Variants in KIAA0232 observed in about 807,000 individuals in gnomAD.
KIAA0232 encodes the protein KIAA0232, also known as uncharacterized protein KIAA0232.
In KIAA0232, 27 loss-of-function variants were observed where a neutral mutation model predicts 122.0. The ratio of observed to expected loss-of-function variants is 0.22; its 90% CI spans 0.16 to 0.31. The LOEUF (loss-of-function observed/expected upper bound fraction) is 0.31. Ranked by LOEUF, KIAA0232 falls within the 10% of genes least tolerant of loss-of-function variation. KIAA0232 has a pLI of 1.00. For synonymous variants in KIAA0232, 613 were observed against 587.6 expected (o/e 1.04, Z -0.63); for missense variants, 1,551 against 1,634.2 (o/e 0.95, Z 0.88).
At chr4:6,809,574 G>A (rs2108964661) in intron 2 of KIAA0232, among the ~76,000 whole-genome samples, 1 of 152,258 alleles carries the variant, frequency 6.6e-6, no homozygotes, top group African/African-American at 2.4e-5. Context: ...GGAAGTCCTA[G>A]TAAGAGAAAT....
At position 6,790,957 on chromosome 4, in the gene KIAA0232, C is replaced by T. The variant is rs1381430888; in HGVS notation, c.-354+8116C>T. Reference sequence around the variant, plus strand: ...TTTTTTTGAGGCAGTCTTGCTCTGTCACCCAGGCTGGAGTCCAGTGGTACA... The same window carrying T: ...TTTTTTTGAGGCAGTCTTGCTCTGTTACCCAGGCTGGAGTCCAGTGGTACA... On this transcript the variant is annotated intron_variant, in intron 1 of 9. Transcript: ENST00000307659. Among the ~76,000 whole-genome samples the T allele has an allele frequency of 5.7e-5, 7 of 123,224 alleles. No individual in the cohort carries two copies. The Admixed American group carries it at 6.2e-4, about 11-fold the overall frequency. The allele number at this position is 123,224 out of a possible 152,430, so 80.8% of individuals were successfully genotyped here.
chr4:6,845,417 A>T (rs1472153012), intron 4 of KIAA0232, among the ~76,000 whole-genome samples: 4 of 152,062 alleles, frequency 2.6e-5, no homozygotes, highest in Admixed American at 2.6e-4. Flanking sequence ...GCTGGTTTTG[A>T]ACTCCTGGGC....
rs746615081 is a variant in KIAA0232, at chr4:6,862,814, G to A, written c.2432G>A (p.Cys811Tyr). Residue 811 changes from cysteine to tyrosine, a missense_variant, in exon 7 of 10, where the codon TGT becomes TAT. This residue lies in a region of KIAA0232 where 1,108 missense variants were observed against 1,154.8 expected (regional missense o/e 0.96). Coordinates refer to ENST00000307659, the MANE Select transcript of KIAA0232 (RefSeq NM_014743.3). Reference sequence around the variant, plus strand: ...AAAAATTTTGAAACTACACAAGTATGTAATGAAAGTCCACATGGAGATGGC... The same window carrying A: ...AAAAATTTTGAAACTACACAAGTATATAATGAAAGTCCACATGGAGATGGC... ...ENKNFETTQV[C>Y]NESPHGDGYS... 9 of 1,614,162 alleles carry A rather than the reference G, an allele frequency of 5.6e-6. No individual in the cohort carries two copies. Among genetic ancestry groups the A allele is most frequent in the South Asian group, 1.1e-5 (1 of 91,084 alleles).
At chr4:6,831,013 GCTTT>G (rs924622798) in intron 3 of KIAA0232, among the ~76,000 whole-genome samples, 3 of 151,882 alleles carry the variant, frequency 2.0e-5, no homozygotes, top group African/African-American at 7.2e-5. Flanking sequence ...ACAAAGTAGT[GCTTT>G]CTTTCTCTTT....
Position 6,880,584 on chromosome 4 carries a change from A to G in KIAA0232, c.4009-203A>G, listed in dbSNP as rs145836644. On this transcript the variant is annotated intron_variant, in intron 9 of 9. Coordinates refer to ENST00000307659, the MANE Select transcript of KIAA0232 (RefSeq NM_014743.3). ...GCTAACATTTTGTCCAAGTGACTGA[A>G]CATGTGGAATTAGGATTTTGGATCC... is the stretch of plus-strand genomic sequence containing the variant. Among the ~76,000 whole-genome samples, 142 of 152,366 alleles carry G rather than the reference A, an allele frequency of 9.3e-4. 1 individual carries two copies. The highest frequency in any genetic ancestry group is 3.4e-3 in the African/African-American group (140 of 41,592).
At chr4:6,848,164 T>C (rs1410610612) in intron 4 of KIAA0232, among the ~76,000 whole-genome samples, 1 of 152,234 alleles carries the variant, frequency 6.6e-6, no homozygotes, top group African/African-American at 2.4e-5. Flanking sequence ...ATTCACTTGC[T>C]TATATTCTCA....
intron 3 of KIAA0232, among the ~76,000 whole-genome samples, chr4:6,831,306 G>T (rs548824605): frequency 6.6e-6 from 1 of 152,136 alleles, no homozygotes; most frequent in African/African-American, 2.4e-5. Flanking sequence ...CGCCCGCCTC[G>T]GCCTCCCAAA....
intron 1 of KIAA0232, among the ~76,000 whole-genome samples, chr4:6,802,900 G>A (rs972078705): frequency 1.3e-5 from 2 of 149,988 alleles, no homozygotes; most frequent in African/African-American, 2.4e-5. Flanking sequence ...GCTCATGCTT[G>A]TAATCCCAAC....
At chr4:6,839,713 A>G (rs910251741) in intron 3 of KIAA0232, among the ~76,000 whole-genome samples, 5 of 152,174 alleles carry the variant, frequency 3.3e-5, no homozygotes, top group Non-Finnish European at 5.9e-5. Flanking sequence ...CAGACCCTGA[A>G]GAGACTGATG....
chr4:6,825,891 C>T (rs556983063), intron 3 of KIAA0232, among the ~76,000 whole-genome samples: 94 of 152,288 alleles, frequency 6.2e-4, no homozygotes, highest in African/African-American at 2.1e-3. Context: ...CTTTGCCCCT[C>T]CAGACCACAC....
intron 2 of KIAA0232, among the ~76,000 whole-genome samples, chr4:6,808,009 A>G (rs1717715850): frequency 6.6e-6 from 1 of 152,218 alleles, no homozygotes; most frequent in African/African-American, 2.4e-5. Context: ...CAGAGGTTTC[A>G]GTGAGCTGAG....
intron 6 of KIAA0232, 141 bp downstream of exon 6, chr4:6,858,647 T>C (rs1720689605): frequency 1.7e-6 from 1 of 576,092 alleles, no homozygotes; most frequent in South Asian, 2.4e-5. Flanking sequence ...AGCGCTTATA[T>C]GCTTGACACT....
chr4:6,872,964 C>G (rs1401653536), intron 8 of KIAA0232, among the ~76,000 whole-genome samples: 2 of 152,248 alleles, frequency 1.3e-5, no homozygotes, highest in African/African-American at 4.8e-5. Flanking sequence ...CTGCCTTCCT[C>G]CTTCCCAGAG....
intron 7 of KIAA0232, 107 bp downstream of exon 7, chr4:6,864,290 C>T: frequency 8.4e-7 from 1 of 1,195,680 alleles, no homozygotes; most frequent in Non-Finnish European, 1.2e-6. Flanking sequence ...GGGAAATTAG[C>T]TTAAATGTCT....
chr4:6,836,694 C>T (rs534504983), intron 3 of KIAA0232, among the ~76,000 whole-genome samples: 1 of 151,818 alleles, frequency 6.6e-6, no homozygotes, highest in African/African-American at 2.4e-5. Context: ...AGGGCCCTGC[C>T]GCCTTCCGCA....
chr4:6,833,213 T>C (rs1457755803), intron 3 of KIAA0232, among the ~76,000 whole-genome samples: 1 of 152,234 alleles, frequency 6.6e-6, no homozygotes, highest in Non-Finnish European at 1.5e-5. Flanking sequence ...ATACACTGTA[T>C]TTCAACAAAC....
In KIAA0232 at chr4:6,810,304, C is replaced by T. The variant is rs138940341; in HGVS notation, c.-270+5698C>T. 3.4e-3 allele frequency among the ~76,000 whole-genome samples: 525 copies of T among 152,200 alleles called. 3 individuals are homozygous for T. Among genetic ancestry groups the T allele is most frequent in the African/African-American group, 0.012 (508 of 41,514 alleles). ...TATAGCCAACTGATCTTTGACAACG[C>T]TACCAACAACATACATCAGAGAAAG... On this transcript the variant is annotated intron_variant, in intron 2 of 9. Coordinates refer to ENST00000307659, the MANE Select transcript of KIAA0232 (RefSeq NM_014743.3).
intron 2 of KIAA0232, among the ~76,000 whole-genome samples, chr4:6,820,251 ATAAAAGT>A (rs1350413296): frequency 1.3e-5 from 2 of 152,184 alleles, no homozygotes; most frequent in East Asian, 1.9e-4. Context: ...TGAATCTAAA[ATAAAAGT>A]TAAAAAGAAA....
At chr4:6,842,342 ACTTTTC>A (rs1183331086) in intron 4 of KIAA0232, 138 bp downstream of exon 4, 1 of 818,098 alleles carries the variant, frequency 1.2e-6, no homozygotes, top group East Asian at 2.8e-5. Flanking sequence ...GAACATTACC[ACTTTTC>A]CTTTATGGTA....
Sources: gnomAD v4.1 joint callset for allele counts (sites outside exome capture counted in the v4.1 genomes callset) on GRCh38, gnomAD v4.1.1 for gene constraint, gnomAD v4.1.1 regional missense constraint, MANE v1.5 for transcripts, NCBI Gene and HGNC (gene_info 2026-07-23, HGNC 2026-07-21) for gene names.